GAD2: variants seen among roughly 807,000 people sequenced by gnomAD.
The protein encoded by GAD2 is glutamate decarboxylase 2, also known as 65 kDa glutamic acid decarboxylase.
In GAD2, 22 loss-of-function variants were observed where a neutral mutation model predicts 80.1. That is an observed-to-expected ratio of 0.27 (90% CI 0.20 to 0.39). The LOEUF is 0.39. GAD2 is among the 10% of genes least tolerant of loss of function. The pLI, the probability that GAD2 is intolerant of heterozygous loss-of-function variation, is 1.00. For synonymous variants in GAD2, 274 were observed against 256.9 expected, an observed-to-expected ratio of 1.07 and a Z score of -0.64; for missense variants, 624 against 738.4, an observed-to-expected ratio of 0.85 and a Z score of 1.80.
chr10:26,225,454 T>G (rs541464412), intron 6 of GAD2, among the ~76,000 whole-genome samples: 1 of 152,306 alleles, frequency 6.6e-6, no homozygotes, highest in South Asian at 2.1e-4. Flanking sequence ...AGAAACCCGA[T>G]GTGCAGACCA....
intron 11 of GAD2, 59 bp downstream of exon 11, chr10:26,273,759 A>C (rs1845166207): frequency 7.1e-7 from 1 of 1,399,068 alleles, no homozygotes; most frequent in African/African-American, 1.4e-5. Context: ...GTGAAACACA[A>C]ATTACAGTCA....
intron 8 of GAD2, among the ~76,000 whole-genome samples, chr10:26,254,198 G>A (rs148453713): frequency 0.025 from 3,730 of 152,180 alleles, 138 homozygotes; most frequent in African/African-American, 0.084. Context: ...CAGCACGCCT[G>A]GCTAATTTTT....
At chr10:26,249,173 G>A (rs891305891) in intron 8 of GAD2, among the ~76,000 whole-genome samples, 19 of 152,092 alleles carry the variant, frequency 1.2e-4, no homozygotes, top group African/African-American at 4.6e-4. Flanking sequence ...AGCGATTCTT[G>A]CGCCTCAGCC....
intron 8 of GAD2, among the ~76,000 whole-genome samples, chr10:26,247,301 T>G (rs1052288406): frequency 7.9e-5 from 12 of 152,168 alleles, no homozygotes; most frequent in African/African-American, 2.9e-4. Flanking sequence ...TGACCAGAAG[T>G]CACTCTCGTG....
At position 26,300,961 on chromosome 10, in the gene GAD2, AT is replaced by A; in HGVS notation, c.*1del. The A allele has an allele frequency of 6.2e-7, 1 of 1,612,754 alleles. No individual in the cohort carries two copies. Among genetic ancestry groups the A allele is most frequent in the Non-Finnish European group, 8.5e-7 (1 of 1,178,886 alleles). On this transcript the variant is annotated 3_prime_UTR_variant, in exon 16 of 16. Coordinates refer to ENST00000376261, the MANE Select transcript of GAD2 (RefSeq NM_001134366.2). ...TAGAACGCCTTGGACAAGATTTATA[AT>A]AACCTTGCTCACCAAGCTGTTCCAC...
At chr10:26,299,265 A>G (rs886884108) in intron 15 of GAD2, among the ~76,000 whole-genome samples, 1 of 152,216 alleles carries the variant, frequency 6.6e-6, no homozygotes, top group African/African-American at 2.4e-5. Flanking sequence ...TTAAGAGTTG[A>G]TATTTATAAG....
Position 26,227,460 on chromosome 10 carries a change from G to A in GAD2, c.725-2202G>A, listed in dbSNP as rs1589137643. On this transcript the variant is annotated intron_variant, in intron 6 of 15. Transcript: ENST00000376261. The stretch of plus-strand genomic sequence containing the variant: ...GAGTGAGGTGTGGGAGGGCAGGGCT[G>A]GAAGCTTCAGAAGAAATGCACATGA... 2.0e-5 allele frequency among the ~76,000 whole-genome samples: 3 copies of A among 152,206 alleles called. No homozygotes were observed. The South Asian group carries it at 6.2e-4, about 31-fold the overall frequency.
intron 7 of GAD2, among the ~76,000 whole-genome samples, chr10:26,239,694 T>C (rs561312622): frequency 1.0e-3 from 156 of 152,298 alleles, no homozygotes; most frequent in African/African-American, 3.6e-3. Flanking sequence ...CTTTACAGGA[T>C]GGTCATAAAA....
At chr10:26,231,297 T>C (rs8190643) in intron 7 of GAD2, among the ~76,000 whole-genome samples, 122 of 152,208 alleles carry the variant, frequency 8.0e-4, no homozygotes, top group African/African-American at 2.7e-3. Flanking sequence ...GTGGTGGGTC[T>C]CAGATCCAGA....
chr10:26,249,575 C>T (rs965830606), intron 8 of GAD2, among the ~76,000 whole-genome samples: 1 of 152,226 alleles, frequency 6.6e-6, no homozygotes, highest in Non-Finnish European at 1.5e-5. Context: ...AGCTGGCGTT[C>T]TCCAGTGAAC....
Position 26,304,372 on chromosome 10 carries a change from GTGTTT to G in GAD2, c.*3412_*3416del, listed in dbSNP as rs1834359310. 6.6e-6 allele frequency: 1 copy of G among 152,540 alleles called. No homozygotes were observed. The highest frequency in any genetic ancestry group is 1.5e-5 in the Non-Finnish European group (1 of 68,030). The allele number at this position is 152,540 out of a possible 1,614,324, so 9.4% of individuals were successfully genotyped here. On this transcript the variant is annotated 3_prime_UTR_variant, in exon 16 of 16. Coordinates refer to ENST00000376261, the MANE Select transcript of GAD2 (RefSeq NM_001134366.2). ...GTGCCAAACTACCGTTCCCAAATTG[GTGTTT>G]CTGAATGACATCAACATTCCCCCAA...
chr10:26,250,301 C>A (rs1589143946), intron 8 of GAD2, among the ~76,000 whole-genome samples: 1 of 152,270 alleles, frequency 6.6e-6, no homozygotes, highest in African/African-American at 2.4e-5. Context: ...GTCATCACAC[C>A]CAGCTTATTT....
chr10:26,243,300 T>C (rs549733151), intron 7 of GAD2, among the ~76,000 whole-genome samples: 1 of 152,340 alleles, frequency 6.6e-6, no homozygotes, highest in South Asian at 2.1e-4. Context: ...TGATTAGACA[T>C]ACCCCCTAAA....
chr10:26,218,117 GC>G, intron 3 of GAD2, 126 bp downstream of exon 3: 1 of 1,032,626 alleles, frequency 9.7e-7, no homozygotes, highest in Non-Finnish European at 1.4e-6. Context: ...GGCGGGACCT[GC>G]CAGAATCTTC....
chr10:26,272,226 A>G (rs949221762), intron 10 of GAD2, among the ~76,000 whole-genome samples: 2 of 152,184 alleles, frequency 1.3e-5, no homozygotes, highest in African/African-American at 4.8e-5. Flanking sequence ...CATTTTACAC[A>G]TGAAGACACT....
Position 26,217,393 on chromosome 10 carries a change from G to A in GAD2, c.77-217G>A, listed in dbSNP as rs1007238217. On this transcript the variant is annotated intron_variant, in intron 1 of 15. Coordinates refer to ENST00000376261, the MANE Select transcript of GAD2 (RefSeq NM_001134366.2). This position sits in a 1 kb window ranked among gnomAD's most constrained non-coding sequence, Gnocchi z 4.9. ...AGGGCAGCGGTGTGGGCTTCTCCTCGGGAAACAGATAAAGGAAATGAGGGC... is the reference window on the plus strand; with the variant it reads ...AGGGCAGCGGTGTGGGCTTCTCCTCAGGAAACAGATAAAGGAAATGAGGGC... 6.6e-6 allele frequency among the ~76,000 whole-genome samples: 1 copy of A among 152,130 alleles called. No homozygotes were observed. Among genetic ancestry groups the A allele is most frequent in the Non-Finnish European group, 1.5e-5 (1 of 68,020 alleles).
At chr10:26,284,314 T>C (rs373387245) in intron 12 of GAD2, among the ~76,000 whole-genome samples, 10 of 152,228 alleles carry the variant, frequency 6.6e-5, no homozygotes, top group African/African-American at 2.2e-4. Flanking sequence ...AATATGCTGA[T>C]AATTATTGCA....
At chr10:26,264,881 G>T (rs1845051760) in intron 8 of GAD2, among the ~76,000 whole-genome samples, 1 of 152,172 alleles carries the variant, frequency 6.6e-6, no homozygotes, top group African/African-American at 2.4e-5. Flanking sequence ...ACTTAGGAAA[G>T]GCTGATAGTA....
At chr10:26,240,063 A>C (rs1178889824) in intron 7 of GAD2, among the ~76,000 whole-genome samples, 1 of 152,250 alleles carries the variant, frequency 6.6e-6, no homozygotes, top group South Asian at 2.1e-4. Flanking sequence ...GGCTTGAAAT[A>C]ATTGATATGG....
Sources: gnomAD v4.1 joint callset for allele counts (sites outside exome capture counted in the v4.1 genomes callset) on GRCh38, gnomAD v4.1.1 for gene constraint, Gnocchi (gnomAD v3.1) non-coding constraint, MANE v1.5 for transcripts, NCBI Gene and HGNC (gene_info 2026-07-23, HGNC 2026-07-21) for gene names.